The following NPS variants were observed in gnomAD, a reference collection of about 807,000 sequenced individuals.
The protein encoded by NPS is prepro-neuropeptide S.
Under a neutral mutation model 7.2 loss-of-function variants are expected in NPS, and 6 were observed. That is an observed-to-expected ratio of 0.83 (90% confidence interval 0.46 to 1.64). The LOEUF (loss-of-function observed/expected upper bound fraction) is 1.64. Among genes scored for constraint, NPS ranks in the 40% most tolerant of loss-of-function variants. NPS has a pLI of 0.01. For synonymous variants in NPS, 42 were observed against 36.7 expected (o/e 1.14, Z -0.52); for missense variants, 123 against 97.8 (o/e 1.26, Z -1.09).
Position 127,553,031 on chromosome 10 carries a change from G to A in NPS, c.*392G>A, listed in dbSNP as rs1844873010. On this transcript the variant is annotated 3_prime_UTR_variant, in exon 3 of 3. Transcript: ENST00000398023. ...GATATTTGTTTTTCTTTTTAATACC[G>A]TTTTCTCAAATGACTTAACAGGCTC... 6.6e-6 allele frequency among the ~76,000 whole-genome samples: 1 copy of A among 151,498 alleles called. No individual in the cohort carries two copies. The highest frequency in any genetic ancestry group is 2.4e-5 in the African/African-American group (1 of 41,156).
Position 127,552,464 on chromosome 10 carries a change from C to A in NPS, c.95C>A (p.Ser32Tyr). The A allele has an allele frequency of 6.3e-7, 1 of 1,597,846 alleles. No homozygotes were observed. The highest frequency in any genetic ancestry group is 8.6e-7 in the Non-Finnish European group (1 of 1,166,394). The change falls in exon 3 of 3, where the codon TCT (serine) becomes TAT (tyrosine). Residue 32 changes from serine to tyrosine, a missense_variant. Physicochemically the swap from Ser to Tyr is moderately radical, Grantham distance 144 (BLOSUM62 -2). Coordinates refer to ENST00000398023, the MANE Select transcript of NPS (RefSeq NM_001030013.2). ...WCYPVPSSKV[S>Y]GKSDYFLILL... ...CTCACCCATCTGAATTGCCAGGTGT[C>A]TGGAAAATCTGATTACTTTCTCATT...
Position 127,549,356 on chromosome 10 carries a change from T to C in NPS, c.-13T>C. Reference sequence around the variant, plus strand: ...TAAAACCACCTATCTTTACAGATTTTGGGAAGTCCAAAATGATTAGGTAAA... The same window carrying C: ...TAAAACCACCTATCTTTACAGATTTCGGGAAGTCCAAAATGATTAGGTAAA... On this transcript the variant is annotated 5_prime_UTR_variant, in exon 1 of 3. Coordinates refer to ENST00000398023, the MANE Select transcript of NPS (RefSeq NM_001030013.2). 2 of 1,605,408 alleles carry C rather than the reference T, an allele frequency of 1.2e-6. No individual in the cohort carries two copies. The highest frequency in any genetic ancestry group is 1.7e-6 in the Non-Finnish European group (2 of 1,173,414).
intron 2 of NPS, among the ~76,000 whole-genome samples, chr10:127,551,277 C>T (rs1844856744): frequency 1.3e-5 from 2 of 149,546 alleles, no homozygotes; most frequent in African/African-American, 2.4e-5. Context: ...TTTTTTTTCC[C>T]CAGAGGCCAG....
Position 127,553,278 on chromosome 10 carries a change from C to T in NPS, c.*639C>T, listed in dbSNP as rs1844875580. ...GTTGTCTTGTCTTGGAAATTTGTTG[C>T]CTTTTAAAATCTTTAAGCACAGAAA... On this transcript the variant is annotated 3_prime_UTR_variant, in exon 3 of 3. Coordinates refer to ENST00000398023, the MANE Select transcript of NPS (RefSeq NM_001030013.2). Among the ~76,000 whole-genome samples, 1 of 152,014 alleles carries T rather than the reference C, an allele frequency of 6.6e-6. No individual in the cohort carries two copies. The highest frequency in any genetic ancestry group is 2.4e-5 in the African/African-American group (1 of 41,412).
At chr10:127,550,018 A>T (rs1488337437) in intron 2 of NPS, among the ~76,000 whole-genome samples, 3 of 152,218 alleles carry the variant, frequency 2.0e-5, no homozygotes, top group African/African-American at 7.2e-5. Flanking sequence ...ATATTAATTC[A>T]TATATTTATT....
chr10:127,551,379 C>T (rs545674194), intron 2 of NPS, among the ~76,000 whole-genome samples: 2 of 152,150 alleles, frequency 1.3e-5, no homozygotes, highest in East Asian at 1.9e-4. Flanking sequence ...CACTCTGGCC[C>T]CGTTTCGACT....
rs767431502 is a variant in NPS at position 127,552,605 on chromosome 10, TG to T, written c.237del (p.Met79IlefsTer13). 3 of 1,612,954 alleles carry T rather than the reference TG, an allele frequency of 1.9e-6. No individual in the cohort carries two copies. In the South Asian group the frequency reaches 3.3e-5, roughly 18 times the overall value. On this transcript the variant is annotated frameshift_variant, in exon 3 of 3. Coordinates refer to ENST00000398023, the MANE Select transcript of NPS (RefSeq NM_001030013.2). LOFTEE classifies it high-confidence loss of function. Reference protein sequence around the residue: ...RSFRNGVGTGMKKTSFQRAKS With the variant: ...RSFRNGVGTGXKKTSFQRAKS ...TTTCGCAATGGAGTTGGCACAGGGATGAAAAAAACTTCCTTTCAAAGAGCAA... is the reference window on the plus strand; with the variant it reads ...TTTCGCAATGGAGTTGGCACAGGGATAAAAAAACTTCCTTTCAAAGAGCAA...
Position 127,553,387 on chromosome 10 carries a change from A to T in NPS, c.*748A>T, listed in dbSNP as rs1844876619. On this transcript the variant is annotated 3_prime_UTR_variant, in exon 3 of 3. Transcript: ENST00000398023. ...CATTTGGAAACCTGTTCCCCAAACT[A>T]TGCTGATTAATGCCCTCTCCTTTCC... Among the ~76,000 whole-genome samples, 1 of 152,170 alleles carries T rather than the reference A, an allele frequency of 6.6e-6. No homozygotes were observed. The highest frequency in any genetic ancestry group is 2.1e-4 in the South Asian group (1 of 4,830).
intron 2 of NPS, among the ~76,000 whole-genome samples, chr10:127,551,639 C>T (rs1485271682): frequency 6.6e-6 from 1 of 152,122 alleles, no homozygotes; most frequent in African/African-American, 2.4e-5. Flanking sequence ...GCACACAGAT[C>T]ATGGGTAAAT....
chr10:127,550,254 T>A (rs1298603525), intron 2 of NPS, among the ~76,000 whole-genome samples: 2 of 152,184 alleles, frequency 1.3e-5, no homozygotes, highest in Non-Finnish European at 2.9e-5. Context: ...CTGAAATCAA[T>A]GTGATTTATG....
rs770654076 is a variant in NPS, at chr10:127,549,344, C to A, written c.-25C>A. The A allele has an allele frequency of 1.9e-6, 3 of 1,600,130 alleles. No individual in the cohort carries two copies. Among genetic ancestry groups the A allele is most frequent in the Non-Finnish European group, 2.6e-6 (3 of 1,169,150 alleles). Reference sequence around the variant, plus strand: ...GAAATTTGGCAATAAAACCACCTATCTTTACAGATTTTGGGAAGTCCAAAA... The same window carrying A: ...GAAATTTGGCAATAAAACCACCTATATTTACAGATTTTGGGAAGTCCAAAA... On this transcript the variant is annotated 5_prime_UTR_variant, in exon 1 of 3. Coordinates refer to ENST00000398023, the MANE Select transcript of NPS (RefSeq NM_001030013.2).
In NPS at chr10:127,553,007, A is replaced by T. The variant is rs184777250; in HGVS notation, c.*368A>T. ...GTAATATCATAACACGAATACTGTG[A>T]TATTTGTTTTTCTTTTTAATACCGT... On this transcript the variant is annotated 3_prime_UTR_variant, in exon 3 of 3. Coordinates refer to ENST00000398023, the MANE Select transcript of NPS (RefSeq NM_001030013.2). Among the ~76,000 whole-genome samples the T allele has an allele frequency of 6.1e-3, 927 of 151,794 alleles. 3 individuals carry two copies. The highest frequency in any genetic ancestry group is 0.017 in the Middle Eastern group (5 of 294).
Position 127,552,682 on chromosome 10 carries a change from TGTGACTGAC to T in NPS, c.*46_*54del. ...TCGGGGAATTAATCTAACTGTAGAG[TGTGACTGAC>T]GTACTCAAAGTCCATCGTCTCTTTA... is the stretch of plus-strand genomic sequence containing the variant. On this transcript the variant is annotated 3_prime_UTR_variant, in exon 3 of 3. Transcript: ENST00000398023. 7.6e-7 allele frequency: 1 copy of T among 1,324,230 alleles called. No homozygotes were observed. The highest frequency in any genetic ancestry group is 1.1e-6 in the Non-Finnish European group (1 of 923,764). The allele number at this position is 1,324,230 out of a possible 1,614,324, so 82.0% of individuals were successfully genotyped here.
chr10:127,551,901 T>A (rs1844862007), intron 2 of NPS, among the ~76,000 whole-genome samples: 1 of 152,094 alleles, frequency 6.6e-6, no homozygotes, highest in Admixed American at 6.5e-5. Flanking sequence ...ACTCTAAGAT[T>A]GCAGATCTGT....
chr10:127,552,328 G>A (rs936476454), intron 2 of NPS, 132 bp from the exon 3 acceptor site: 5 of 644,168 alleles, frequency 7.8e-6, no homozygotes, highest in Non-Finnish European at 1.4e-5. Context: ...TTGTGTTTTA[G>A]CAAAACTTCT....
chr10:127,551,286 A>T (rs1270370206), intron 2 of NPS, among the ~76,000 whole-genome samples: 1 of 151,870 alleles, frequency 6.6e-6, no homozygotes, highest in Non-Finnish European at 1.5e-5. Context: ...CCCAGAGGCC[A>T]GTGGGAATGA....
At position 127,551,528 on chromosome 10, in the gene NPS, T is replaced by G. The variant is rs761783223; in HGVS notation, c.91-932T>G. On this transcript the variant is annotated intron_variant, in intron 2 of 2. Coordinates refer to ENST00000398023, the MANE Select transcript of NPS (RefSeq NM_001030013.2). ...TTTCCTCTTGTAGTTCTAGTATAGTTGAGAAACCTAAACTTAGAGTCAGAT... is the reference window on the plus strand; with the variant it reads ...TTTCCTCTTGTAGTTCTAGTATAGTGGAGAAACCTAAACTTAGAGTCAGAT... Among the ~76,000 whole-genome samples, 64 of 152,264 alleles carry G rather than the reference T, an allele frequency of 4.2e-4. 1 individual carries two copies. The highest frequency in any genetic ancestry group is 2.8e-3 in the Admixed American group (43 of 15,306).
At position 127,552,753 on chromosome 10, in the gene NPS, C is replaced by G; in HGVS notation, c.*114C>G. 1.4e-6 allele frequency: 1 copy of G among 702,438 alleles called. No individual in the cohort carries two copies. Among genetic ancestry groups the G allele is most frequent in the East Asian group, 2.5e-5 (1 of 39,460 alleles). 43.5% of individuals were successfully genotyped at this position (702,438 alleles called of 1,614,324 possible). ...TGGCATGCTCTCTATTCTCAAATAT[C>G]TTTCCTCTCCTGACTGGTACAGAGT... is the stretch of plus-strand genomic sequence containing the variant. On this transcript the variant is annotated 3_prime_UTR_variant, in exon 3 of 3. Transcript: ENST00000398023.
Position 127,553,139 on chromosome 10 carries a change from G to T in NPS, c.*500G>T, listed in dbSNP as rs1319880551. Reference sequence around the variant, plus strand: ...CAAAATTAAGGTGAATGGTACAGCTGTATCAATTGATTAATTAATTGATAC... The same window carrying T: ...CAAAATTAAGGTGAATGGTACAGCTTTATCAATTGATTAATTAATTGATAC... On this transcript the variant is annotated 3_prime_UTR_variant, in exon 3 of 3. Coordinates refer to ENST00000398023, the MANE Select transcript of NPS (RefSeq NM_001030013.2). 6.6e-6 allele frequency among the ~76,000 whole-genome samples: 1 copy of T among 152,108 alleles called. No homozygotes were observed. Among genetic ancestry groups the T allele is most frequent in the Non-Finnish European group, 1.5e-5 (1 of 68,016 alleles).
Sources: gnomAD v4.1 joint callset for allele counts (sites outside exome capture counted in the v4.1 genomes callset) on GRCh38, gnomAD v4.1.1 for gene constraint, MANE v1.5 for transcripts, NCBI Gene and HGNC (gene_info 2026-07-23, HGNC 2026-07-21) for gene names.